RIT2: variants seen among roughly 807,000 people sequenced by gnomAD.
RIT2 encodes GTP-binding protein Rit2.
A neutral mutation model predicts 23.7 loss-of-function variants in RIT2; 24 were observed. The ratio of observed to expected loss-of-function variants is 1.01; its 90% confidence interval spans 0.73 to 1.43. RIT2 has a LOEUF of 1.43. RIT2 is among the 40% of genes most tolerant of loss of function. The pLI is 0.00. For synonymous variants in RIT2, 107 were observed against 91.1 expected (o/e 1.17, Z -0.99); for missense variants, 236 against 266.9 (o/e 0.88, Z 0.81).
intron 4 of RIT2, among the ~76,000 whole-genome samples, chr18:42,761,295 C>A (rs1468387807): frequency 1.3e-5 from 2 of 152,124 alleles, no homozygotes; most frequent in Non-Finnish European, 2.9e-5. Context: ...AAAGTAACTC[C>A]CAGTCTCCAC....
At chr18:42,765,064 A>T (rs1913389799) in intron 4 of RIT2, among the ~76,000 whole-genome samples, 1 of 152,206 alleles carries the variant, frequency 6.6e-6, no homozygotes, top group African/African-American at 2.4e-5. Context: ...TGGAATATCC[A>T]TTAATTTTAC....
At chr18:42,918,485 CT>C in intron 4 of RIT2, among the ~76,000 whole-genome samples, 1 of 151,974 alleles carries the variant, frequency 6.6e-6, no homozygotes, top group East Asian at 1.9e-4. Flanking sequence ...ATTACCGAAC[CT>C]TTTTTTCTCT....
Position 43,114,113 on chromosome 18 carries a change from C to A in RIT2, c.103+1304G>T, listed in dbSNP as rs1914013279. On this transcript the variant is annotated intron_variant, in intron 1 of 4. Transcript: ENST00000326695. ...AGAGGAGAAAGCTTTTTAAAAATTC[C>A]TCATTTATACACAATTACAAAGCTT... Among the ~76,000 whole-genome samples the A allele has an allele frequency of 1.3e-5, 2 of 151,956 alleles. 1 individual carries two copies. Among genetic ancestry groups the A allele is most frequent in the South Asian group, 4.1e-4 (2 of 4,824 alleles).
chr18:42,800,076 C>G (rs1905482095), intron 4 of RIT2, among the ~76,000 whole-genome samples: 1 of 152,108 alleles, frequency 6.6e-6, no homozygotes, highest in Non-Finnish European at 1.5e-5. Context: ...AGCAGTCTGG[C>G]TCAATAAACA....
At chr18:42,871,785 T>G (rs779213264) in intron 4 of RIT2, among the ~76,000 whole-genome samples, 2 of 152,186 alleles carry the variant, frequency 1.3e-5, no homozygotes, top group Non-Finnish European at 2.9e-5. Context: ...ACAACAAAAT[T>G]TATCATGTTA....
intron 4 of RIT2, among the ~76,000 whole-genome samples, chr18:42,802,308 A>G (rs1426759398): frequency 6.6e-6 from 1 of 152,218 alleles, no homozygotes; most frequent in Non-Finnish European, 1.5e-5. Flanking sequence ...TTGCATGCTC[A>G]GCATGAACGA....
chr18:42,817,639 A>G (rs2143987071), intron 4 of RIT2, among the ~76,000 whole-genome samples: 1 of 152,152 alleles, frequency 6.6e-6, no homozygotes, highest in Middle Eastern at 3.4e-3. Flanking sequence ...ATGGAGATTG[A>G]GAATTGGAGT....
intron 4 of RIT2, among the ~76,000 whole-genome samples, chr18:42,811,930 A>G (rs1423484862): frequency 6.6e-6 from 1 of 152,158 alleles, no homozygotes; most frequent in African/African-American, 2.4e-5. Flanking sequence ...AATATGAGCT[A>G]CTTATGTATG....
chr18:42,950,947 G>A (rs140095406), intron 3 of RIT2, among the ~76,000 whole-genome samples: 12 of 151,890 alleles, frequency 7.9e-5, no homozygotes, highest in African/African-American at 2.9e-4. Context: ...AGAGAAAGGG[G>A]AAGACTTACA....
intron 1 of RIT2, among the ~76,000 whole-genome samples, chr18:43,047,098 T>G: frequency 6.6e-6 from 1 of 152,262 alleles, no homozygotes; most frequent in Non-Finnish European, 1.5e-5. Context: ...TTTGAAAACA[T>G]ACTTGGACTA....
rs188756886 is a variant in RIT2, at chr18:42,796,282, G to A, written c.427-52562C>T. On this transcript the variant is annotated intron_variant, in intron 4 of 4. Transcript: ENST00000326695. ...TGCCTTAAGAGCTGTAACACTCACC[G>A]TGAAGGTCTGTGGCTTCACTCCTGA... Among the ~76,000 whole-genome samples the A allele has an allele frequency of 1.3e-3, 194 of 152,236 alleles. 5 individuals carry two copies. In the East Asian group the frequency reaches 0.031, roughly 24 times the overall value.
At chr18:42,958,218 G>A (rs1262513944) in intron 3 of RIT2, among the ~76,000 whole-genome samples, 1 of 152,190 alleles carries the variant, frequency 6.6e-6, no homozygotes, top group Non-Finnish European at 1.5e-5. Flanking sequence ...GCTAGATATA[G>A]AATTCTGTTT....
Position 42,935,263 on chromosome 18 carries a change from G to A in RIT2, c.235-11500C>T, listed in dbSNP as rs115140782. ...CCTCAAGAAAGAGAGCTGAGCAGAT[G>A]CTGAGATGACTCCGAATTGCTTCAC... On this transcript the variant is annotated intron_variant, in intron 3 of 4. Coordinates refer to ENST00000326695, the MANE Select transcript of RIT2 (RefSeq NM_002930.4). Among the ~76,000 whole-genome samples the A allele has an allele frequency of 5.6e-3, 847 of 152,312 alleles. 9 individuals carry two copies. Among genetic ancestry groups the A allele is most frequent in the African/African-American group, 0.019 (799 of 41,570 alleles).
At chr18:42,887,183 C>A (rs1031249695) in intron 4 of RIT2, among the ~76,000 whole-genome samples, 2 of 152,190 alleles carry the variant, frequency 1.3e-5, no homozygotes, top group Non-Finnish European at 1.5e-5. Context: ...GCACCCAAGA[C>A]TTTACAGGCC....
chr18:42,774,476 C>T (rs1913621758), intron 4 of RIT2, among the ~76,000 whole-genome samples: 1 of 151,676 alleles, frequency 6.6e-6, no homozygotes, highest in South Asian at 2.1e-4. Context: ...AAGACCTGTC[C>T]TCAGATAAAA....
intron 4 of RIT2, among the ~76,000 whole-genome samples, chr18:42,759,100 G>A (rs1041163356): frequency 2.6e-5 from 4 of 152,182 alleles, no homozygotes; most frequent in East Asian, 1.9e-4. Context: ...TATCCTATTG[G>A]TTCTGTTTCT....
At chr18:43,082,161 G>A (rs1413358192) in intron 1 of RIT2, among the ~76,000 whole-genome samples, 1 of 152,084 alleles carries the variant, frequency 6.6e-6, no homozygotes, top group East Asian at 1.9e-4. Flanking sequence ...ATTTCTTTGA[G>A]ATTTTCTTGT....
chr18:42,919,046 C>T (rs890635178), intron 4 of RIT2, among the ~76,000 whole-genome samples: 9 of 152,060 alleles, frequency 5.9e-5, no homozygotes, highest in African/African-American at 2.2e-4. Context: ...ACATCATATG[C>T]ACAGATCCTG....
chr18:42,980,509 C>G (rs921780217), intron 2 of RIT2, among the ~76,000 whole-genome samples: 2 of 152,014 alleles, frequency 1.3e-5, no homozygotes, highest in African/African-American at 4.8e-5. Context: ...GTAGTTGATA[C>G]CAATCAGTAT....
Sources: allele counts gnomAD v4.1 joint callset (sites outside exome capture counted in the v4.1 genomes callset), GRCh38; gene constraint gnomAD v4.1.1; transcripts MANE v1.5; gene names NCBI Gene and HGNC (gene_info 2026-07-23, HGNC 2026-07-21).